The following ADGRB3 variants were observed in gnomAD, a reference collection of about 807,000 sequenced individuals.
The protein encoded by ADGRB3 is brain-specific angiogenesis inhibitor 3.
Under a neutral mutation model 193.4 loss-of-function variants are expected in ADGRB3, and 37 were observed. That is an observed-to-expected ratio of 0.19 (90% confidence interval 0.15 to 0.25). The LOEUF (loss-of-function observed/expected upper bound fraction) is 0.25, where lower values mean the gene tolerates loss of function less well. Among genes scored for constraint, ADGRB3 ranks in the 10% least tolerant of loss-of-function variants. ADGRB3 has a pLI of 1.00. For missense variants in ADGRB3, 1,637 were observed against 1,852.9 expected, an observed-to-expected ratio of 0.88 and a Z score of 2.14; for synonymous variants, 690 against 644.2, an observed-to-expected ratio of 1.07 and a Z score of -1.08.
intron 8 of ADGRB3, among the ~76,000 whole-genome samples, chr6:68,968,492 T>G (rs1020704657): frequency 6.6e-6 from 1 of 152,130 alleles, no homozygotes; most frequent in Non-Finnish European, 1.5e-5. Context: ...TGTTTCAAAG[T>G]TCACCAATGG....
chr6:68,767,731 G>A (rs2127354425), intron 3 of ADGRB3, among the ~76,000 whole-genome samples: 1 of 152,212 alleles, frequency 6.6e-6, no homozygotes, highest in Non-Finnish European at 1.5e-5. Flanking sequence ...TCTTCAAATA[G>A]GAAGAGAGGA....
At chr6:69,117,805 A>C in intron 17 of ADGRB3, among the ~76,000 whole-genome samples, 1 of 152,218 alleles carries the variant, frequency 6.6e-6, no homozygotes, top group East Asian at 1.9e-4. Flanking sequence ...CTTATTACAC[A>C]GTGGTCTCCA....
At chr6:68,851,895 G>A (rs12527708) in intron 3 of ADGRB3, among the ~76,000 whole-genome samples, 1 of 151,742 alleles carries the variant, frequency 6.6e-6, no homozygotes, top group Non-Finnish European at 1.5e-5. Context: ...TCACGGAGAC[G>A]GTGATATTTC....
intron 3 of ADGRB3, among the ~76,000 whole-genome samples, chr6:68,698,184 T>C (rs1277069451): frequency 6.6e-6 from 1 of 151,896 alleles, no homozygotes; most frequent in Non-Finnish European, 1.5e-5. Flanking sequence ...GAAATACAAA[T>C]TATATTTTGA....
intron 13 of ADGRB3, among the ~76,000 whole-genome samples, chr6:69,042,410 G>A (rs929432784): frequency 1.3e-5 from 2 of 152,188 alleles, no homozygotes; most frequent in African/African-American, 4.8e-5. Context: ...AAGATTACCA[G>A]ACTCATACAA....
Position 69,239,245 on chromosome 6 carries a change from C to A in ADGRB3, c.2814+19C>A. 1 of 1,451,278 alleles carries A rather than the reference C, an allele frequency of 6.9e-7. No homozygotes were observed. Among genetic ancestry groups the A allele is most frequent in the Non-Finnish European group, 9.6e-7 (1 of 1,044,440 alleles). 89.9% of individuals were successfully genotyped at this position (1,451,278 alleles called of 1,614,324 possible). A position where few individuals can be genotyped will look rare whatever the true frequency, so the allele number is the denominator to read the frequency against. On this transcript the variant is annotated intron_variant, in intron 20 of 31. Coordinates refer to ENST00000370598, the MANE Select transcript of ADGRB3 (RefSeq NM_001704.3). Reference sequence around the variant, plus strand: ...TAATAAGGTATGACTGGTAATTATTCTGATTCTTTTTTTGTGTTTATATTT... The same window carrying A: ...TAATAAGGTATGACTGGTAATTATTATGATTCTTTTTTTGTGTTTATATTT...
chr6:69,156,629 C>A (rs1774847059), intron 17 of ADGRB3, among the ~76,000 whole-genome samples: 2 of 152,164 alleles, frequency 1.3e-5, no homozygotes, highest in Admixed American at 1.3e-4. Context: ...GCCAAGAGAA[C>A]AACATGATGG....
chr6:68,665,471 A>G (rs1561987808), intron 3 of ADGRB3, among the ~76,000 whole-genome samples: 1 of 151,814 alleles, frequency 6.6e-6, no homozygotes, highest in Non-Finnish European at 1.5e-5. Flanking sequence ...ATCGGACCTT[A>G]GGTATTTTGG....
chr6:69,276,892 A>C (rs183417231), intron 20 of ADGRB3, among the ~76,000 whole-genome samples: 2 of 152,234 alleles, frequency 1.3e-5, no homozygotes, highest in East Asian at 3.9e-4. Context: ...AAACTCATCA[A>C]ATTGTATACA....
At chr6:68,916,727 G>GA (rs1342013516) in intron 3 of ADGRB3, among the ~76,000 whole-genome samples, 3 of 152,110 alleles carry the variant, frequency 2.0e-5, no homozygotes, top group Admixed American at 6.5e-5. Flanking sequence ...TTTTTCAGTT[G>GA]AAAAAAATCA....
At chr6:69,041,676 A>G (rs1771075627) in intron 13 of ADGRB3, among the ~76,000 whole-genome samples, 1 of 152,006 alleles carries the variant, frequency 6.6e-6, no homozygotes. Flanking sequence ...CAGTAGTACA[A>G]TCACAGCAGC....
chr6:69,332,663 C>G (rs1249504165), intron 23 of ADGRB3: 1 of 985,224 alleles, frequency 1.0e-6, no homozygotes, highest in Non-Finnish European at 1.2e-6. Flanking sequence ...AAAATTCAGG[C>G]AATTGAAGGT....
intron 3 of ADGRB3, among the ~76,000 whole-genome samples, chr6:68,698,261 C>T (rs570547148): frequency 2.6e-4 from 40 of 151,764 alleles, no homozygotes; most frequent in East Asian, 1.7e-3. Context: ...GTTGGTAGTG[C>T]GGAAAACTGG....
intron 13 of ADGRB3, among the ~76,000 whole-genome samples, chr6:69,040,716 AGAATTTG>A (rs1771040799): frequency 7.9e-6 from 1 of 126,270 alleles, no homozygotes; most frequent in Admixed American, 7.9e-5. Context: ...AAAACAAACA[AGAATTTG>A]AAGTTGATGA....
At chr6:68,721,651 TA>T in intron 3 of ADGRB3, among the ~76,000 whole-genome samples, 1 of 136,650 alleles carries the variant, frequency 7.3e-6, no homozygotes. Context: ...TATATATATA[TA>T]TATAAATTAT....
At chr6:68,909,779 G>T (rs997319455) in intron 3 of ADGRB3, among the ~76,000 whole-genome samples, 6 of 152,160 alleles carry the variant, frequency 3.9e-5, no homozygotes, top group Non-Finnish European at 8.8e-5. Flanking sequence ...GATGCAGTAT[G>T]AAATTTAAAG....
chr6:69,056,682 CTG>C (rs1771553910), intron 15 of ADGRB3, among the ~76,000 whole-genome samples: 1 of 152,014 alleles, frequency 6.6e-6, no homozygotes, highest in Non-Finnish European at 1.5e-5. Flanking sequence ...TTTTCCAACA[CTG>C]TTTGTTGAAG....
intron 17 of ADGRB3, among the ~76,000 whole-genome samples, chr6:69,215,995 G>A (rs542606418): frequency 3.6e-4 from 55 of 152,104 alleles, no homozygotes; most frequent in Middle Eastern, 6.8e-3. Flanking sequence ...ATGGTTTTTC[G>A]TCTTCCATTG....
intron 13 of ADGRB3, among the ~76,000 whole-genome samples, chr6:69,041,495 G>T (rs1420305520): frequency 6.6e-6 from 1 of 152,040 alleles, no homozygotes; most frequent in Non-Finnish European, 1.5e-5. Flanking sequence ...AAATAAATTT[G>T]CTGTCAATTT....
Sources: gnomAD v4.1 joint callset for allele counts (sites outside exome capture counted in the v4.1 genomes callset) on GRCh38, gnomAD v4.1.1 for gene constraint, MANE v1.5 for transcripts, NCBI Gene and HGNC (gene_info 2026-07-23, HGNC 2026-07-21) for gene names.